PLXNA2: variants seen among roughly 807,000 people sequenced by gnomAD.
PLXNA2 encodes the protein plexin A2.
PLXNA2 carries 91 observed loss-of-function variants against 193.5 expected under a neutral mutation model. The observed-to-expected ratio is 0.47, with a 90% CI of 0.40 to 0.56. The LOEUF (loss-of-function observed/expected upper bound fraction) is 0.56. Among genes scored for constraint, PLXNA2 ranks in the 20% least tolerant of loss-of-function variants. The pLI is 0.00. For missense variants in PLXNA2, 1,995 were observed against 2,503.2 expected (o/e 0.80, Z 4.33); for synonymous variants, 997 against 1,027.3 (o/e 0.97, Z 0.56).
chr1:208,237,066 T>C (rs995019185), intron 1 of PLXNA2, among the ~76,000 whole-genome samples: 1 of 152,198 alleles, frequency 6.6e-6, no homozygotes. Flanking sequence ...TCCATTAGCA[T>C]CCCTTACCCT....
intron 12 of PLXNA2, among the ~76,000 whole-genome samples, chr1:208,068,206 C>T (rs914000063): frequency 2.0e-5 from 3 of 152,184 alleles, no homozygotes; most frequent in Non-Finnish European, 4.4e-5. Flanking sequence ...TAAATATCCC[C>T]AATTCTCTGT....
In PLXNA2 at chr1:208,033,392, C is replaced by T. The variant is rs1664566337; in HGVS notation, c.4982G>A (p.Gly1661Asp). ...GCCCCGGTCACCCTCCTTCTGGTCA[C>T]CGTGGTCATGGTTCTTCACCAGATG... ...VWHLVKNHDH[G>D]DQKEGDRGSK... The change falls in exon 28 of 32, where the codon GGT (glycine) becomes GAT (aspartate). Residue 1661 changes from glycine to aspartate, a missense_variant. Transcript: ENST00000367033. The T allele has an allele frequency of 6.2e-7, 1 of 1,614,080 alleles. No individual in the cohort carries two copies. The highest frequency in any genetic ancestry group is 1.3e-5 in the African/African-American group (1 of 74,944).
chr1:208,103,625 G>A (rs1195819857), intron 4 of PLXNA2, among the ~76,000 whole-genome samples: 1 of 152,194 alleles, frequency 6.6e-6, no homozygotes, highest in African/African-American at 2.4e-5. Flanking sequence ...TTTCAGCTGG[G>A]CTTGGGCTGA....
rs564487452 is a variant in PLXNA2, at chr1:208,042,185, T to A, written c.4199A>T (p.Tyr1400Phe). 15 of 1,614,216 alleles carry A rather than the reference T, an allele frequency of 9.3e-6. No homozygotes were observed. Among genetic ancestry groups the A allele is most frequent in the Admixed American group, 8.3e-5 (5 of 60,028 alleles). The part of the protein sequence containing the change: ...IMTGLQGRLE[Y>F]ATDVLKQLLS... ...CAGCTGCTTGAGGACATCAGTGGCA[T>A]ATTCCAGGCGGCCCTGCAGGCCGGT... The change falls in exon 22 of 32, where the codon TAT becomes TTT. Residue 1400 changes from tyrosine to phenylalanine, a missense_variant. Around this residue, in one of 3 missense-constraint regions of PLXNA2, gnomAD observed 1,291 missense variants for 1,673.6 expected, o/e 0.77. Coordinates refer to ENST00000367033, the MANE Select transcript of PLXNA2 (RefSeq NM_025179.4).
intron 4 of PLXNA2, among the ~76,000 whole-genome samples, chr1:208,119,840 C>G (rs1330172641): frequency 8.5e-6 from 1 of 117,138 alleles, no homozygotes; most frequent in Non-Finnish European, 1.8e-5. Flanking sequence ...GTTTCGAACT[C>G]CTGATCTCAA....
intron 27 of PLXNA2, among the ~76,000 whole-genome samples, chr1:208,034,254 C>G (rs990719302): frequency 2.0e-5 from 3 of 152,264 alleles, no homozygotes; most frequent in Non-Finnish European, 2.9e-5. Context: ...CACTCCGACT[C>G]CTCTACCAGG....
intron 4 of PLXNA2, among the ~76,000 whole-genome samples, chr1:208,132,609 G>C (rs933268849): frequency 1.3e-5 from 2 of 152,218 alleles, no homozygotes; most frequent in Non-Finnish European, 2.9e-5. Flanking sequence ...ATATTAGTTA[G>C]ATTTCAACAC....
intron 3 of PLXNA2, among the ~76,000 whole-genome samples, chr1:208,174,729 A>T (rs1669608249): frequency 6.6e-6 from 1 of 152,056 alleles, no homozygotes; most frequent in Admixed American, 6.6e-5. Context: ...CAGTTCTGAA[A>T]CTCAAACCCC....
In PLXNA2 at chr1:208,038,689, T is replaced by C. The variant is rs1664755843; in HGVS notation, c.4660+136A>G. 2 of 969,374 alleles carry C rather than the reference T, an allele frequency of 2.1e-6. No individual in the cohort carries two copies. The highest frequency in any genetic ancestry group is 1.5e-5 in the South Asian group (1 of 65,090). The allele number at this position is 969,374 out of a possible 1,614,324, so 60.0% of individuals were successfully genotyped here. On this transcript the variant is annotated intron_variant, in intron 25 of 31. Transcript: ENST00000367033. This position sits in a 1 kb window ranked among gnomAD's most constrained non-coding sequence, Gnocchi z 4.1. ...ACAGCCACATCTGAACAGGCAGCGC[T>C]CAAAGCGGGAAGCATTTCACACGGG...
At chr1:208,029,973 T>C (rs940296935) in intron 29 of PLXNA2, 25 of 985,350 alleles carry the variant, frequency 2.5e-5, no homozygotes, top group Non-Finnish European at 3.0e-5. Context: ...TGTTCCCAGC[T>C]CCCCAGCTTC....
intron 4 of PLXNA2, among the ~76,000 whole-genome samples, chr1:208,125,873 G>T (rs565914888): frequency 3.3e-5 from 5 of 152,312 alleles, no homozygotes; most frequent in African/African-American, 1.2e-4. Flanking sequence ...CGGACAGGCA[G>T]TTTTACCATA....
chr1:208,105,458 A>G (rs1241676363), intron 4 of PLXNA2, among the ~76,000 whole-genome samples: 1 of 152,222 alleles, frequency 6.6e-6, no homozygotes, highest in African/African-American at 2.4e-5. Context: ...CAATTCTGAC[A>G]TTCCAGCCTT....
At chr1:208,188,575 G>C (rs780286608) in intron 3 of PLXNA2, among the ~76,000 whole-genome samples, 1 of 152,104 alleles carries the variant, frequency 6.6e-6, no homozygotes, top group Non-Finnish European at 1.5e-5. Flanking sequence ...TGGGCATGGT[G>C]GTGGTTGCCT....
At chr1:208,198,354 T>G (rs1239401422) in intron 3 of PLXNA2, among the ~76,000 whole-genome samples, 1 of 152,174 alleles carries the variant, frequency 6.6e-6, no homozygotes, top group African/African-American at 2.4e-5. Context: ...AGACAATGTC[T>G]TTGAAGAAGA....
At chr1:208,105,572 C>T (rs1424120609) in intron 4 of PLXNA2, among the ~76,000 whole-genome samples, 1 of 152,216 alleles carries the variant, frequency 6.6e-6, no homozygotes, top group African/African-American at 2.4e-5. Context: ...CCACCACCAC[C>T]AATTCACACC....
intron 12 of PLXNA2, among the ~76,000 whole-genome samples, chr1:208,071,297 C>T (rs1031236612): frequency 5.9e-5 from 9 of 152,208 alleles, no homozygotes; most frequent in African/African-American, 2.2e-4. Context: ...GAGGGTTCTG[C>T]CCTGAGGAGC....
At chr1:208,084,353 G>C (rs778018224) in intron 10 of PLXNA2, 27 bp downstream of exon 10, 10 of 1,607,680 alleles carry the variant, frequency 6.2e-6, no homozygotes, top group Admixed American at 1.7e-5. Context: ...CCCTGCTCCA[G>C]GCAGGGCCCA....
chr1:208,034,357 A>C (rs1177185749), intron 27 of PLXNA2, 136 bp downstream of exon 27: 5 of 635,388 alleles, frequency 7.9e-6, no homozygotes, highest in Non-Finnish European at 5.7e-6. Context: ...GGGAGGACAG[A>C]AACCAACTGG....
intron 3 of PLXNA2, among the ~76,000 whole-genome samples, chr1:208,205,534 G>A (rs1205088917): frequency 6.6e-6 from 1 of 152,184 alleles, no homozygotes; most frequent in Non-Finnish European, 1.5e-5. Flanking sequence ...CACACCCAGG[G>A]GACCTTGGTC....
Sources: gnomAD v4.1 joint callset for allele counts (sites outside exome capture counted in the v4.1 genomes callset) on GRCh38, gnomAD v4.1.1 for gene constraint, gnomAD v4.1.1 regional missense constraint, Gnocchi (gnomAD v3.1) non-coding constraint, MANE v1.5 for transcripts, NCBI Gene and HGNC (gene_info 2026-07-23, HGNC 2026-07-21) for gene names.